The following COG6 variants were observed in gnomAD, a reference collection of about 807,000 sequenced individuals.
COG6 encodes conserved oligomeric Golgi complex subunit 6.
In COG6, 74 loss-of-function variants were observed where a neutral mutation model predicts 88.8. The observed-to-expected ratio is 0.83, with a 90% CI of 0.69 to 1.01. The LOEUF (loss-of-function observed/expected upper bound fraction) is 1.01, where lower values mean the gene tolerates loss of function less well. Among genes scored for constraint, COG6 ranks in the 50% least tolerant of loss-of-function variants. COG6 has a pLI of 0.00. For missense variants in COG6, 800 were observed against 797.9 expected (o/e 1.00, Z -0.03); for synonymous variants, 286 against 278.7 (o/e 1.03, Z -0.26).
intron 18 of COG6, among the ~76,000 whole-genome samples, chr13:39,729,180 C>T (rs906050222): frequency 6.6e-6 from 1 of 152,158 alleles, no homozygotes; most frequent in Non-Finnish European, 1.5e-5. Context: ...TCCCCAACCC[C>T]GGGCCAGGGA....
At chr13:39,770,303 T>A (rs1323370886) in intron 18 of COG6, among the ~76,000 whole-genome samples, 2 of 152,192 alleles carry the variant, frequency 1.3e-5, no homozygotes, top group South Asian at 2.1e-4. Flanking sequence ...GACGGAGGTG[T>A]CCTTAGAGAC....
At chr13:39,783,955 G>A (rs1461800013) in intron 18 of COG6, among the ~76,000 whole-genome samples, 13 of 152,208 alleles carry the variant, frequency 8.5e-5, no homozygotes. Flanking sequence ...TACAGGAAGT[G>A]GAAGCTAGGC....
intron 8 of COG6, among the ~76,000 whole-genome samples, chr13:39,684,801 G>T (rs925595018): frequency 6.6e-6 from 1 of 152,060 alleles, no homozygotes; most frequent in South Asian, 2.1e-4. Flanking sequence ...CTCAAATAAT[G>T]TAAGTATTAT....
intron 12 of COG6, 129 bp from the exon 13 acceptor site, chr13:39,699,372 T>C (rs1877447426): frequency 1.6e-5 from 9 of 570,030 alleles, no homozygotes; most frequent in Non-Finnish European, 2.5e-5. Context: ...AGAGTATTTT[T>C]AATTCACAGG....
chr13:39,769,778 A>G lies in COG6; in HGVS notation c.1827-18557A>G, dbSNP rs977937375. 9.9e-5 allele frequency among the ~76,000 whole-genome samples: 15 copies of G among 151,800 alleles called. No individual in the cohort carries two copies. In the East Asian group the frequency reaches 2.1e-3, roughly 22 times the overall value. ...AGGTCATGTGGCTGGATCCCTCATG[A>G]AAGGGTTTTGTGCCCTTATAAAATA... On this transcript the variant is annotated intron_variant, in intron 18 of 18. Transcript: ENST00000416691.
At chr13:39,758,108 T>C (rs767762063) in intron 18 of COG6, among the ~76,000 whole-genome samples, 2 of 149,958 alleles carry the variant, frequency 1.3e-5, no homozygotes, top group Non-Finnish European at 3.0e-5. Flanking sequence ...TAGTCCCAGC[T>C]ACTCGGGAGG....
At chr13:39,748,490 C>G (rs1241401749) in intron 18 of COG6, among the ~76,000 whole-genome samples, 1 of 152,052 alleles carries the variant, frequency 6.6e-6, no homozygotes, top group Non-Finnish European at 1.5e-5. Flanking sequence ...TGGTGCATGC[C>G]TGTAATCCCA....
intron 18 of COG6, among the ~76,000 whole-genome samples, chr13:39,772,194 T>A (rs988707342): frequency 6.6e-6 from 1 of 152,222 alleles, no homozygotes; most frequent in Non-Finnish European, 1.5e-5. Context: ...CTGAAATGTC[T>A]TCCCTTGCTC....
intron 18 of COG6, among the ~76,000 whole-genome samples, chr13:39,779,779 A>G (rs1881573725): frequency 6.6e-6 from 1 of 152,218 alleles, no homozygotes; most frequent in Non-Finnish European, 1.5e-5. Flanking sequence ...AAGGGGACCC[A>G]GGGCCAGAAA....
In COG6 at chr13:39,713,127, AC is replaced by A. The variant is rs542476986; in HGVS notation, c.1285-6108del. On this transcript the variant is annotated intron_variant, in intron 13 of 18. Coordinates refer to ENST00000455146, the MANE Select transcript of COG6 (RefSeq NM_020751.3). Reference sequence around the variant, plus strand: ...ACATCATTCTGAGGATGCATCTGCCACTCACTTACTGATGCTGACTGGTTTC... The same window carrying A: ...ACATCATTCTGAGGATGCATCTGCCATCACTTACTGATGCTGACTGGTTTC... Among the ~76,000 whole-genome samples the A allele has an allele frequency of 5.5e-3, 831 of 152,294 alleles. 9 individuals carry two copies. The highest frequency in any genetic ancestry group is 0.019 in the African/African-American group (790 of 41,572).
intron 1 of COG6, 111 bp from the exon 2 acceptor site, chr13:39,659,253 T>C (rs1202215439): frequency 2.0e-6 from 2 of 1,005,960 alleles, no homozygotes; most frequent in African/African-American, 3.2e-5. Flanking sequence ...ATTTTTCGGA[T>C]TGGTTAATGA....
At chr13:39,717,716 T>C (rs1050731817) in intron 13 of COG6, among the ~76,000 whole-genome samples, 2 of 151,844 alleles carry the variant, frequency 1.3e-5, no homozygotes, top group African/African-American at 2.4e-5. Flanking sequence ...AAAAAGAAAA[T>C]TAGCGAGGCT....
At chr13:39,700,318 G>T (rs1436622467) in intron 13 of COG6, among the ~76,000 whole-genome samples, 4 of 151,720 alleles carry the variant, frequency 2.6e-5, no homozygotes, top group African/African-American at 9.7e-5. Context: ...TTGTAATATG[G>T]TATAAAATAG....
Position 39,660,876 on chromosome 13 carries a change from C to A in COG6, c.364C>A (p.Leu122Ile), listed in dbSNP as rs1017742754. 24 of 1,587,394 alleles carry A rather than the reference C, an allele frequency of 1.5e-5. No individual in the cohort carries two copies. In the African/African-American group the frequency reaches 2.0e-4, roughly 13 times the overall value. The change falls in exon 3 of 19, where the codon CTA becomes ATA. Residue 122 changes from leucine to isoleucine, a missense_variant. Transcript: ENST00000455146. ...CTGTTGTCAAGATATGACAAGTCGC[C>A]TACAGGTATTATATAATGGCTAGAT... ...SNCCQDMTSR[L>I]QAAKEQTQDL...
downstream of COG6, among the ~76,000 whole-genome samples, chr13:39,757,087 C>T (rs1880860054): frequency 6.6e-6 from 1 of 152,088 alleles, no homozygotes; most frequent in South Asian, 2.1e-4. Flanking sequence ...ATATGTTAGG[C>T]CACAATACAA....
intron 18 of COG6, among the ~76,000 whole-genome samples, chr13:39,768,869 G>C (rs1002081077): frequency 1.2e-4 from 18 of 152,082 alleles, no homozygotes; most frequent in African/African-American, 3.9e-4. Flanking sequence ...ACCATCAGAG[G>C]GAAGCATTTG....
At chr13:39,703,369 T>C (rs763742482) in intron 13 of COG6, among the ~76,000 whole-genome samples, 2 of 152,186 alleles carry the variant, frequency 1.3e-5, no homozygotes, top group South Asian at 2.1e-4. Flanking sequence ...TTTTAAGATA[T>C]GTTTTTGGCT....
At chr13:39,724,924 T>C (rs966287549) in intron 17 of COG6, among the ~76,000 whole-genome samples, 3 of 151,964 alleles carry the variant, frequency 2.0e-5, no homozygotes, top group Admixed American at 1.3e-4. Flanking sequence ...TCGTTTAAAG[T>C]TCCTGACGTG....
exon 19 of COG6, chr13:39,789,010 C>T (rs1239574829): frequency 6.6e-6 from 1 of 152,234 alleles, no homozygotes; most frequent in Non-Finnish European, 1.5e-5. Flanking sequence ...AAAGGATATA[C>T]AGTAAACATT....
Sources: gnomAD v4.1 joint callset for allele counts (sites outside exome capture counted in the v4.1 genomes callset) on GRCh38, gnomAD v4.1.1 for gene constraint, MANE v1.5 for transcripts, NCBI Gene and HGNC (gene_info 2026-07-23, HGNC 2026-07-21) for gene names.